CACNA2D1: variants seen among roughly 807,000 people sequenced by gnomAD.
The protein encoded by CACNA2D1 is voltage-dependent calcium channel subunit alpha-2/delta-1.
CACNA2D1 carries 53 observed loss-of-function variants against 171.5 expected under a neutral mutation model. That is an observed-to-expected ratio of 0.31 (90% CI 0.25 to 0.39). CACNA2D1 has a LOEUF of 0.39. Ranked by LOEUF, CACNA2D1 falls within the 10% of genes least tolerant of loss-of-function variation. The pLI is 1.00. For synonymous variants in CACNA2D1, 442 were observed against 443.1 expected (o/e 1.00, Z 0.03); for missense variants, 903 against 1,299.8 (o/e 0.69, Z 4.69).
intron 4 of CACNA2D1, among the ~76,000 whole-genome samples, chr7:82,152,292 T>C (rs1793948219): frequency 8.7e-6 from 1 of 115,118 alleles, no homozygotes; most frequent in South Asian, 3.1e-4. Flanking sequence ...AATTAGATCT[T>C]AATATACAAA....
At chr7:82,103,469 T>G (rs1812935002) in intron 6 of CACNA2D1, among the ~76,000 whole-genome samples, 1 of 152,126 alleles carries the variant, frequency 6.6e-6, no homozygotes, top group African/African-American at 2.4e-5. Flanking sequence ...GGTTATGGCA[T>G]TTTTTTACAT....
At chr7:81,974,133 G>C (rs982383188) in intron 25 of CACNA2D1, among the ~76,000 whole-genome samples, 1 of 151,784 alleles carries the variant, frequency 6.6e-6, no homozygotes, top group Admixed American at 6.6e-5. Flanking sequence ...CAGGCAAAAT[G>C]CTATAAAAAA....
At chr7:82,400,081 A>C (rs1826197544) in intron 1 of CACNA2D1, among the ~76,000 whole-genome samples, 2 of 151,022 alleles carry the variant, frequency 1.3e-5, no homozygotes, top group Non-Finnish European at 1.5e-5. Context: ...TGGTACCAGT[A>C]CCATGCTGTT....
intron 3 of CACNA2D1, among the ~76,000 whole-genome samples, chr7:82,252,423 C>A (rs768968407): frequency 1.8e-4 from 27 of 152,186 alleles, no homozygotes; most frequent in Non-Finnish European, 4.4e-5. Context: ...CATCCATACT[C>A]TCTTAATTAA....
chr7:82,169,131 CT>C (rs1396196519), intron 4 of CACNA2D1, among the ~76,000 whole-genome samples: 1 of 151,818 alleles, frequency 6.6e-6, no homozygotes, highest in Non-Finnish European at 1.5e-5. Flanking sequence ...TGCTTTTTCC[CT>C]ATTTGCAAAA....
At chr7:82,261,370 G>C (rs1807081015) in intron 3 of CACNA2D1, among the ~76,000 whole-genome samples, 1 of 152,192 alleles carries the variant, frequency 6.6e-6, no homozygotes, top group South Asian at 2.1e-4. Context: ...ATGACTGTAA[G>C]ATCTTATCTC....
intron 24 of CACNA2D1, among the ~76,000 whole-genome samples, chr7:81,980,312 A>C (rs1003503707): frequency 2.6e-5 from 4 of 151,942 alleles, no homozygotes; most frequent in African/African-American, 9.7e-5. Flanking sequence ...TTTGTGGCCC[A>C]TAAATTCTAT....
chr7:82,349,137 A>T (rs1200645788), intron 2 of CACNA2D1, among the ~76,000 whole-genome samples: 3 of 152,194 alleles, frequency 2.0e-5, no homozygotes, highest in African/African-American at 7.2e-5. Flanking sequence ...AACACTTTTC[A>T]AATAATTTTT....
At chr7:82,254,772 G>C (rs1806092580) in intron 3 of CACNA2D1, among the ~76,000 whole-genome samples, 1 of 152,100 alleles carries the variant, frequency 6.6e-6, no homozygotes, top group Non-Finnish European at 1.5e-5. Context: ...ATAATCTTCT[G>C]CTATCATTCA....
chr7:82,085,091 T>C (rs1048542508), intron 6 of CACNA2D1, among the ~76,000 whole-genome samples, 191 bp from the exon 7 acceptor site: 2 of 152,156 alleles, frequency 1.3e-5, no homozygotes, highest in Admixed American at 1.3e-4. Context: ...AACATGTACA[T>C]AGTATTCATC....
At position 81,971,689 on chromosome 7, in the gene CACNA2D1, A is replaced by G. The variant is rs1235519835; in HGVS notation, c.2141+88T>C. ...TATTAAACATTATTAATGAACTGTAAATTTATGAGATTCATACCCAATTTC... is the reference window on the plus strand; with the variant it reads ...TATTAAACATTATTAATGAACTGTAGATTTATGAGATTCATACCCAATTTC... On this transcript the variant is annotated intron_variant, in intron 26 of 38. Transcript: ENST00000356860. 1.0e-5 allele frequency: 8 copies of G among 777,972 alleles called. No homozygotes were observed. In the Admixed American group the frequency reaches 1.3e-4, roughly 13 times the overall value. 48.2% of individuals were successfully genotyped at this position (777,972 alleles called of 1,614,324 possible). A position where few individuals can be genotyped will look rare whatever the true frequency, so the allele number is the denominator to read the frequency against.
intron 11 of CACNA2D1, 66 bp downstream of exon 11, chr7:82,038,011 G>C: frequency 6.8e-7 from 1 of 1,480,136 alleles, no homozygotes; most frequent in Non-Finnish European, 9.4e-7. Context: ...GTAACTATCA[G>C]AATATTGAAA....
chr7:82,343,170 C>T (rs1285389586), intron 2 of CACNA2D1: 1 of 152,148 alleles, frequency 6.6e-6, no homozygotes, highest in Admixed American at 6.5e-5. Flanking sequence ...CACGAGTCTC[C>T]CTAGCCACTC....
At chr7:82,291,252 A>G in intron 3 of CACNA2D1, among the ~76,000 whole-genome samples, 1 of 142,202 alleles carries the variant, frequency 7.0e-6, no homozygotes, top group East Asian at 2.0e-4. Context: ...TATAATATAT[A>G]TACTATATAG....
At chr7:82,179,394 C>T (rs1796887080) in intron 3 of CACNA2D1, among the ~76,000 whole-genome samples, 1 of 152,068 alleles carries the variant, frequency 6.6e-6, no homozygotes, top group Non-Finnish European at 1.5e-5. Flanking sequence ...ATAATCTAGT[C>T]TAAAATCCCA....
intron 4 of CACNA2D1, among the ~76,000 whole-genome samples, chr7:82,137,544 T>C (rs978654798): frequency 6.6e-6 from 1 of 151,992 alleles, no homozygotes; most frequent in Non-Finnish European, 1.5e-5. Flanking sequence ...ACACATATTT[T>C]TCCCTGCCTC....
chr7:82,343,610 A>G lies in CACNA2D1; in HGVS notation c.177+5958T>C, dbSNP rs987597871. Among the ~76,000 whole-genome samples the G allele has an allele frequency of 3.9e-5, 6 of 152,332 alleles. No homozygotes were observed. The East Asian group carries it at 1.2e-3, about 29-fold the overall frequency. On this transcript the variant is annotated intron_variant, in intron 2 of 38. Transcript: ENST00000356860. ...TAGATTCAAAACAAGGAAAACATTA[A>G]CATACACAAATAACAGAAACTCTCT...
At chr7:82,020,282 T>C (rs942561432) in intron 12 of CACNA2D1, among the ~76,000 whole-genome samples, 9 of 152,100 alleles carry the variant, frequency 5.9e-5, no homozygotes, top group African/African-American at 2.2e-4. Context: ...CACAGACAAA[T>C]GGCCAGTCAG....
At chr7:81,967,139 C>G (rs1794787996) in intron 31 of CACNA2D1, 30 bp downstream of exon 31, 6 of 1,559,660 alleles carry the variant, frequency 3.8e-6, no homozygotes, top group Non-Finnish European at 5.3e-6. Flanking sequence ...AAATATTGTA[C>G]TCAAAAGTGA....
Sources: allele counts gnomAD v4.1 joint callset (sites outside exome capture counted in the v4.1 genomes callset), GRCh38; gene constraint gnomAD v4.1.1; transcripts MANE v1.5; gene names NCBI Gene and HGNC (gene_info 2026-07-23, HGNC 2026-07-21).